Variants in MANBA observed in about 807,000 individuals in gnomAD.
The protein encoded by MANBA is mannosidase beta.
Under a neutral mutation model 111.1 loss-of-function variants are expected in MANBA, and 83 were observed. That is an observed-to-expected ratio of 0.75 (90% confidence interval 0.63 to 0.90). The LOEUF (loss-of-function observed/expected upper bound fraction) is 0.90, where lower values mean the gene tolerates loss of function less well. MANBA is among the 40% of genes least tolerant of loss of function. The pLI, the probability that MANBA is intolerant of heterozygous loss-of-function variation, is 0.00. For synonymous variants in MANBA, 370 were observed against 378.7 expected, an observed-to-expected ratio of 0.98 and a Z score of 0.27; for missense variants, 1,036 against 1,069.0, an observed-to-expected ratio of 0.97 and a Z score of 0.43.
At chr4:102,694,293 T>C (rs1732610984) in intron 5 of MANBA, among the ~76,000 whole-genome samples, 1 of 152,158 alleles carries the variant, frequency 6.6e-6, no homozygotes, top group Non-Finnish European at 1.5e-5. Flanking sequence ...AACATATTTT[T>C]CCCCTCTCCT....
rs34353180 is a variant in MANBA at position 102,712,524 on chromosome 4, CT to C, written c.673+1913del. 7.0e-3 allele frequency among the ~76,000 whole-genome samples: 1,011 copies of C among 144,782 alleles called. 13 individuals are homozygous for C. The highest frequency in any genetic ancestry group is 0.02 in the African/African-American group (805 of 39,388). 95.0% of individuals were successfully genotyped at this position (144,782 alleles called of 152,430 possible). A position where few individuals can be genotyped will look rare whatever the true frequency, so the allele number is the denominator to read the frequency against. ...AATAACTTTTTGCTAAATCGGACCA[CT>C]TTTTTTTTTTTTTAAACAGCATCTC... On this transcript the variant is annotated intron_variant, in intron 5 of 16. Transcript: ENST00000647097.
chr4:102,745,989 A>C (rs771059095), intron 1 of MANBA, among the ~76,000 whole-genome samples: 4 of 152,138 alleles, frequency 2.6e-5, no homozygotes, highest in Non-Finnish European at 5.9e-5. Flanking sequence ...GAGGAGAATC[A>C]ACGTTATTTT....
chr4:102,689,352 A>G (rs917285372), intron 7 of MANBA, among the ~76,000 whole-genome samples: 2 of 104,334 alleles, frequency 1.9e-5, no homozygotes, highest in African/African-American at 8.2e-5. Flanking sequence ...CTGTCTCAAA[A>G]AAAAAAAATA....
chr4:102,685,154 G>A (rs1488645277), intron 7 of MANBA, among the ~76,000 whole-genome samples: 2 of 152,180 alleles, frequency 1.3e-5, no homozygotes, highest in Non-Finnish European at 2.9e-5. Context: ...GAGGCTCGCA[G>A]AAGGGAGGGG....
intron 1 of MANBA, among the ~76,000 whole-genome samples, chr4:102,750,877 C>T (rs1421758748): frequency 6.6e-6 from 1 of 152,164 alleles, no homozygotes; most frequent in South Asian, 2.1e-4. Context: ...CACGCCACTG[C>T]ACTTCAGCCT....
At chr4:102,741,432 A>G (rs752791445) in intron 1 of MANBA, among the ~76,000 whole-genome samples, 5 of 152,230 alleles carry the variant, frequency 3.3e-5, no homozygotes, top group Non-Finnish European at 7.3e-5. Context: ...CAATCCCACT[A>G]CTGGGTACCT....
chr4:102,697,785 C>T, intron 5 of MANBA, among the ~76,000 whole-genome samples: 1 of 151,786 alleles, frequency 6.6e-6, no homozygotes, highest in Non-Finnish European at 1.5e-5. Context: ...GGTTCCAAGT[C>T]TTTGCTATTG....
At position 102,690,772 on chromosome 4, in the gene MANBA, C is replaced by A; in HGVS notation, c.674-1G>T. The A allele has an allele frequency of 7.1e-7, 1 of 1,407,568 alleles. No individual in the cohort carries two copies. Among genetic ancestry groups the A allele is most frequent in the Non-Finnish European group, 9.6e-7 (1 of 1,044,966 alleles). 87.2% of individuals were successfully genotyped at this position (1,407,568 alleles called of 1,614,324 possible). A position where few individuals can be genotyped will look rare whatever the true frequency, so the allele number is the denominator to read the frequency against. Reference sequence around the variant, plus strand: ...AGATTCCACTCCTGGGCACTCTTATCTAAAATATAAAAAGAAAAAGAAATA... The same window carrying A: ...AGATTCCACTCCTGGGCACTCTTATATAAAATATAAAAAGAAAAAGAAATA... On this transcript the variant is annotated splice_acceptor_variant, in intron 5 of 16. Coordinates refer to ENST00000647097, the MANE Select transcript of MANBA (RefSeq NM_005908.4). LOFTEE classifies it high-confidence loss of function.
intron 1 of MANBA, chr4:102,751,320 T>G (rs1723781680): frequency 5.8e-6 from 2 of 344,512 alleles, no homozygotes; most frequent in Admixed American, 3.8e-5. Flanking sequence ...AGTCTAATTT[T>G]GAGCGGCCTC....
intron 15 of MANBA, among the ~76,000 whole-genome samples, chr4:102,635,599 G>C (rs537514963): frequency 8.8e-4 from 134 of 152,190 alleles, no homozygotes; most frequent in Non-Finnish European, 1.7e-3. Flanking sequence ...TATGTGATTT[G>C]CTTTCATCTA....
At chr4:102,633,472 C>T (rs547008937) in intron 16 of MANBA, 2 of 398,498 alleles carry the variant, frequency 5.0e-6, no homozygotes, top group African/African-American at 2.1e-5. Flanking sequence ...CAAGCTTGCA[C>T]CCTGGCTTCA....
chr4:102,729,287 G>A, intron 1 of MANBA: 1 of 753,924 alleles, frequency 1.3e-6, no homozygotes, highest in Non-Finnish European at 2.5e-6. Flanking sequence ...TCATCCTCGT[G>A]CTTCCCAGCC....
chr4:102,723,099 A>C, intron 3 of MANBA, 58 bp from the exon 4 acceptor site: 1 of 1,495,608 alleles, frequency 6.7e-7, no homozygotes, highest in Middle Eastern at 1.8e-4. Flanking sequence ...TTGTGTGTAA[A>C]ATTTTAGATA....
intron 16 of MANBA, among the ~76,000 whole-genome samples, chr4:102,632,607 A>G (rs1485151571): frequency 6.6e-6 from 1 of 152,212 alleles, no homozygotes; most frequent in Non-Finnish European, 1.5e-5. Context: ...ATTTTTACAT[A>G]CAGCCTGGGT....
intron 1 of MANBA, among the ~76,000 whole-genome samples, chr4:102,746,448 C>A (rs961925296): frequency 6.6e-6 from 1 of 152,140 alleles, no homozygotes; most frequent in Non-Finnish European, 1.5e-5. Context: ...GAAAATGAAT[C>A]CCTGAGCTCA....
At chr4:102,671,958 G>T (rs1731518089) in intron 8 of MANBA, 1 of 404,010 alleles carries the variant, frequency 2.5e-6, no homozygotes, top group African/African-American at 2.1e-5. Context: ...GTAACAGGCT[G>T]GGCAGACCCA....
At chr4:102,652,231 C>T (rs1016891125) in intron 12 of MANBA, among the ~76,000 whole-genome samples, 1 of 152,176 alleles carries the variant, frequency 6.6e-6, no homozygotes, top group African/African-American at 2.4e-5. Context: ...TATCAATTAA[C>T]CAACTCTATT....
chr4:102,757,896 C>T (rs760175797), intron 1 of MANBA, among the ~76,000 whole-genome samples: 2 of 152,198 alleles, frequency 1.3e-5, no homozygotes, highest in Non-Finnish European at 2.9e-5. Flanking sequence ...CTCTCCTACC[C>T]TCTGGTTCCC....
In MANBA at chr4:102,671,307, C is replaced by G; in HGVS notation, c.1204G>C (p.Glu402Gln). 6.3e-7 allele frequency: 1 copy of G among 1,587,270 alleles called. No individual in the cohort carries two copies. Among genetic ancestry groups the G allele is most frequent in the Non-Finnish European group, 8.7e-7 (1 of 1,155,780 alleles). ...GGIYEQDEFYELCDELGIMVW... is the reference protein window; with the variant it reads ...GGIYEQDEFYQLCDELGIMVW... Reference sequence around the variant, plus strand: ...ATTATTCCTAGTTCATCACAGAGTTCATAGAATTCATCCTGCTCATAAATT... The same window carrying G: ...ATTATTCCTAGTTCATCACAGAGTTGATAGAATTCATCCTGCTCATAAATT... The change falls in exon 9 of 17, where the codon GAA (glutamate) becomes CAA (glutamine). Residue 402 changes from glutamate to glutamine, a missense_variant. Glu to Gln is a conservative substitution (Grantham distance 29, BLOSUM62 2). Transcript: ENST00000647097.
Sources: gnomAD v4.1 joint callset for allele counts (sites outside exome capture counted in the v4.1 genomes callset) on GRCh38, gnomAD v4.1.1 for gene constraint, MANE v1.5 for transcripts, NCBI Gene and HGNC (gene_info 2026-07-23, HGNC 2026-07-21) for gene names.